The following SCFD1 variants were observed in gnomAD, a reference collection of about 807,000 sequenced individuals.
SCFD1 encodes sec1 family domain containing 1.
A neutral mutation model predicts 103.2 loss-of-function variants in SCFD1; 37 were observed. That is an observed-to-expected ratio of 0.36 (90% CI 0.28 to 0.47). The LOEUF (loss-of-function observed/expected upper bound fraction) is 0.47, where lower values mean the gene tolerates loss of function less well. Ranked by LOEUF, SCFD1 falls within the 20% of genes least tolerant of loss-of-function variation. The pLI, the probability that SCFD1 is intolerant of heterozygous loss-of-function variation, is 1.00. For missense variants in SCFD1, 639 were observed against 761.2 expected (o/e 0.84, Z 1.89); for synonymous variants, 264 against 245.0 (o/e 1.08, Z -0.73).
chr14:30,678,474 C>T (rs1434913003), intron 14 of SCFD1, among the ~76,000 whole-genome samples: 1 of 152,224 alleles, frequency 6.6e-6, no homozygotes, highest in East Asian at 1.9e-4. Context: ...TTTGAGTCAT[C>T]TATATTTTTA....
At chr14:30,652,114 C>G (rs1594613021) in intron 9 of SCFD1, among the ~76,000 whole-genome samples, 1 of 152,202 alleles carries the variant, frequency 6.6e-6, no homozygotes, top group East Asian at 1.9e-4. Context: ...ACTTTTTATC[C>G]CCGAGTCAAT....
Position 30,722,479 on chromosome 14 carries a change from C to A in SCFD1, c.1771-15C>A, listed in dbSNP as rs1304946662. The A allele has an allele frequency of 2.7e-6, 4 of 1,483,880 alleles. No homozygotes were observed. The highest frequency in any genetic ancestry group is 3.6e-6 in the Non-Finnish European group (4 of 1,100,358). 91.9% of individuals were successfully genotyped at this position (1,483,880 alleles called of 1,614,324 possible). ...AAAACTGTGTTTTTTTTTTTTTAAT[C>A]TGTTTGCATTTTAGGCCATTGTTTT... On this transcript the variant is annotated splice_polypyrimidine_tract_variant and intron_variant, in intron 22 of 24. Coordinates refer to ENST00000458591, the MANE Select transcript of SCFD1 (RefSeq NM_016106.4).
intron 15 of SCFD1, among the ~76,000 whole-genome samples, chr14:30,698,730 G>T (rs1024362141): frequency 3.3e-5 from 5 of 152,154 alleles, no homozygotes; most frequent in Non-Finnish European, 7.3e-5. Context: ...AAGCTTTCTA[G>T]CTGGGGCACC....
At chr14:30,660,021 T>C (rs1227284572) in intron 10 of SCFD1, among the ~76,000 whole-genome samples, 1 of 152,206 alleles carries the variant, frequency 6.6e-6, no homozygotes, top group Non-Finnish European at 1.5e-5. Flanking sequence ...GTTATAATTT[T>C]ACGCAACAAA....
chr14:30,698,670 TG>T (rs1426528822), intron 15 of SCFD1, among the ~76,000 whole-genome samples: 1 of 151,900 alleles, frequency 6.6e-6, no homozygotes, highest in African/African-American at 2.4e-5. Flanking sequence ...TGATCATAGT[TG>T]CGGCAGTTAC....
intron 6 of SCFD1, among the ~76,000 whole-genome samples, chr14:30,640,267 A>C (rs1219299289): frequency 6.6e-6 from 1 of 152,176 alleles, no homozygotes; most frequent in African/African-American, 2.4e-5. Flanking sequence ...GCTCCCTGAG[A>C]GAAGAGAATG....
At chr14:30,728,782 A>T (rs1302613685) in intron 23 of SCFD1, among the ~76,000 whole-genome samples, 1 of 149,966 alleles carries the variant, frequency 6.7e-6, no homozygotes, top group Non-Finnish European at 1.5e-5. Flanking sequence ...ATCTTTTCAC[A>T]TGTGTATTGG....
chr14:30,694,981 A>G, intron 15 of SCFD1, 112 bp downstream of exon 15: 1 of 1,476,146 alleles, frequency 6.8e-7, no homozygotes, highest in Non-Finnish European at 8.9e-7. Context: ...CAATGCTAAT[A>G]TCAAGATAAT....
chr14:30,711,759 GTT>G, intron 19 of SCFD1, among the ~76,000 whole-genome samples: 1 of 152,062 alleles, frequency 6.6e-6, no homozygotes, highest in African/African-American at 2.4e-5. Flanking sequence ...TGGTAATAGT[GTT>G]TTGGGGTTTT....
chr14:30,699,818 A>G (rs1425379726), intron 15 of SCFD1, among the ~76,000 whole-genome samples: 1 of 152,090 alleles, frequency 6.6e-6, no homozygotes, highest in Non-Finnish European at 1.5e-5. Flanking sequence ...TCCTTATGTA[A>G]TTGTTACTGG....
intron 7 of SCFD1, among the ~76,000 whole-genome samples, chr14:30,647,285 A>G (rs1885933710): frequency 1.3e-5 from 2 of 152,304 alleles, no homozygotes; most frequent in African/African-American, 4.8e-5. Flanking sequence ...TACCATGTAT[A>G]GTCTTAAGAT....
chr14:30,656,140 T>A (rs1886876397), intron 10 of SCFD1, among the ~76,000 whole-genome samples: 1 of 151,484 alleles, frequency 6.6e-6, no homozygotes, highest in South Asian at 2.1e-4. Flanking sequence ...GAGGTGCCCA[T>A]TAAGATATCA....
At chr14:30,722,586 T>C in intron 23 of SCFD1, 27 bp downstream of exon 23, 1 of 1,437,534 alleles carries the variant, frequency 7.0e-7, no homozygotes. Context: ...CTTTTTATTC[T>C]GTTGTTAGAT....
chr14:30,719,690 T>C (rs1388093446), intron 21 of SCFD1, among the ~76,000 whole-genome samples: 1 of 152,178 alleles, frequency 6.6e-6, no homozygotes, highest in Non-Finnish European at 1.5e-5. Flanking sequence ...ATGAATATTC[T>C]TATTGGACCA....
intron 6 of SCFD1, 138 bp downstream of exon 6, chr14:30,640,002 C>T: frequency 9.8e-7 from 1 of 1,015,408 alleles, no homozygotes; most frequent in Non-Finnish European, 1.3e-6. Context: ...TTTAAAAGCA[C>T]ACAGAGAAAA....
intron 1 of SCFD1, among the ~76,000 whole-genome samples, chr14:30,626,433 T>C (rs986018447): frequency 6.6e-6 from 1 of 152,122 alleles, no homozygotes; most frequent in African/African-American, 2.4e-5. Context: ...ATTCATTCCT[T>C]GTCTGTGAGG....
Position 30,708,532 on chromosome 14 carries a change from A to T in SCFD1, c.1629+467A>T, listed in dbSNP as rs866404605. 2.9e-4 allele frequency among the ~76,000 whole-genome samples: 13 copies of T among 45,336 alleles called. No homozygotes were observed. The African/African-American group carries it at 3.1e-3, about 11-fold the overall frequency. The allele number at this position is 45,336 out of a possible 152,430, so 29.7% of individuals were successfully genotyped here. A position where few individuals can be genotyped will look rare whatever the true frequency, so the allele number is the denominator to read the frequency against. On this transcript the variant is annotated intron_variant, in intron 19 of 24. Coordinates refer to ENST00000458591, the MANE Select transcript of SCFD1 (RefSeq NM_016106.4). The stretch of plus-strand genomic sequence containing the variant: ...AGCTCTGTAATTTTATACTTTTTTA[A>T]AAAAAAATTGTTCATTTGGATTTGG...
intron 7 of SCFD1, among the ~76,000 whole-genome samples, chr14:30,649,202 A>G (rs1886161502): frequency 6.6e-6 from 1 of 152,084 alleles, no homozygotes; most frequent in Admixed American, 6.6e-5. Flanking sequence ...GGGAAATTAT[A>G]AATCCTTTTA....
At chr14:30,622,451 C>G in intron 1 of SCFD1, 52 bp downstream of exon 1, 1 of 1,547,102 alleles carries the variant, frequency 6.5e-7, no homozygotes, top group Non-Finnish European at 8.7e-7. Context: ...CCGACGACAT[C>G]CTTCTCCTCT....
Sources: allele counts gnomAD v4.1 joint callset (sites outside exome capture counted in the v4.1 genomes callset), GRCh38; gene constraint gnomAD v4.1.1; transcripts MANE v1.5; gene names NCBI Gene and HGNC (gene_info 2026-07-23, HGNC 2026-07-21).